The following HAPLN1 variants were observed in gnomAD, a reference collection of about 807,000 sequenced individuals.
The protein encoded by HAPLN1 is hyaluronan and proteoglycan link protein 1.
A neutral mutation model predicts 36.5 loss-of-function variants in HAPLN1; 13 were observed. The observed-to-expected ratio is 0.36, with a 90% confidence interval of 0.23 to 0.57. The LOEUF is 0.57. Ranked by LOEUF, HAPLN1 falls within the 20% of genes least tolerant of loss-of-function variation. The pLI, the probability that HAPLN1 is intolerant of heterozygous loss-of-function variation, is 0.83. For missense variants in HAPLN1, 407 were observed against 439.7 expected (o/e 0.93, Z 0.66); for synonymous variants, 202 against 169.8 (o/e 1.19, Z -1.48).
chr5:83,678,878 A>C (rs1213832706), intron 1 of HAPLN1, among the ~76,000 whole-genome samples: 2 of 152,226 alleles, frequency 1.3e-5, no homozygotes, highest in South Asian at 2.1e-4. Flanking sequence ...ACTGAACTAT[A>C]GTTCTCAGAT....
intron 2 of HAPLN1, among the ~76,000 whole-genome samples, chr5:83,656,291 G>A (rs1750209107): frequency 8.2e-6 from 1 of 121,248 alleles, no homozygotes; most frequent in South Asian, 2.7e-4. Context: ...TTGTGTCGCT[G>A]TACCCCAGCC....
At chr5:83,691,505 T>C (rs1751272688) in intron 1 of HAPLN1, among the ~76,000 whole-genome samples, 2 of 152,038 alleles carry the variant, frequency 1.3e-5, no homozygotes, top group South Asian at 4.1e-4. Flanking sequence ...GAATCTTTAC[T>C]CGCTAGTGGA....
At chr5:83,655,177 GAGGTTT>G (rs1286761700) in intron 2 of HAPLN1, among the ~76,000 whole-genome samples, 3 of 152,194 alleles carry the variant, frequency 2.0e-5, no homozygotes, top group Non-Finnish European at 4.4e-5. Flanking sequence ...GGAAATTTGG[GAGGTTT>G]AGTTTAATCA....
chr5:83,653,054 A>G (rs1415546104), intron 2 of HAPLN1, among the ~76,000 whole-genome samples: 1 of 152,194 alleles, frequency 6.6e-6, no homozygotes, highest in Admixed American at 6.5e-5. Flanking sequence ...CATTATCGTC[A>G]GTAAGAAATG....
At chr5:83,680,642 GA>G (rs544960965) in intron 1 of HAPLN1, among the ~76,000 whole-genome samples, 121 of 152,150 alleles carry the variant, frequency 8.0e-4, no homozygotes, top group African/African-American at 2.8e-3. Flanking sequence ...ACATTAAAAG[GA>G]AATAAACGTC....
chr5:83,679,964 C>A (rs1387564583), intron 1 of HAPLN1, among the ~76,000 whole-genome samples: 3 of 152,130 alleles, frequency 2.0e-5, no homozygotes, highest in African/African-American at 7.2e-5. Context: ...TAGGACTGTC[C>A]TCATCAGCAG....
At chr5:83,686,155 A>AAAG (rs1751118140) in intron 1 of HAPLN1, 2 of 151,394 alleles carry the variant, frequency 1.3e-5, no homozygotes, top group African/African-American at 4.8e-5. Flanking sequence ...AAAAAAAAAA[A>AAAG]AAAAAAAAAG....
At chr5:83,682,835 A>G (rs994364124) in intron 1 of HAPLN1, among the ~76,000 whole-genome samples, 3 of 152,152 alleles carry the variant, frequency 2.0e-5, no homozygotes, top group African/African-American at 7.2e-5. Context: ...ATAGGTTTTT[A>G]AATTATAATG....
At chr5:83,650,801 A>AT (rs556412025) in intron 3 of HAPLN1, among the ~76,000 whole-genome samples, 19 of 151,560 alleles carry the variant, frequency 1.3e-4, no homozygotes, top group Admixed American at 5.9e-4. Flanking sequence ...TGCCCGGCTA[A>AT]TTTTTTGTAT....
chr5:83,710,305 T>C (rs892277315), intron 1 of HAPLN1, among the ~76,000 whole-genome samples: 1 of 152,032 alleles, frequency 6.6e-6, no homozygotes, highest in African/African-American at 2.4e-5. Flanking sequence ...GAGACTGAGA[T>C]AGATTAACCA....
intron 2 of HAPLN1, among the ~76,000 whole-genome samples, chr5:83,671,871 AATGTGGACAGTGT>A (rs1359281462): frequency 2.0e-5 from 3 of 152,192 alleles, no homozygotes; most frequent in Admixed American, 6.5e-5. Flanking sequence ...CCTTTTTAAA[AATGTGGACAGTGT>A]ATGCAAATAA....
chr5:83,675,895 G>T (rs1397150010), intron 1 of HAPLN1, among the ~76,000 whole-genome samples: 1 of 152,152 alleles, frequency 6.6e-6, no homozygotes, highest in African/African-American at 2.4e-5. Flanking sequence ...CTAGTAAGTG[G>T]CAAAGTCTGT....
Position 83,638,720 on chromosome 5 carries a change from G to A in HAPLN1, c.*2776C>T, listed in dbSNP as rs1388260269. 2 of 151,976 alleles carry A rather than the reference G, an allele frequency of 1.3e-5. No individual in the cohort carries two copies. Among genetic ancestry groups the A allele is most frequent in the African/African-American group, 4.8e-5 (2 of 41,416 alleles). The allele number at this position is 151,976 out of a possible 1,614,324, so 9.4% of individuals were successfully genotyped here. On this transcript the variant is annotated 3_prime_UTR_variant, in exon 5 of 5. Coordinates refer to ENST00000274341, the MANE Select transcript of HAPLN1 (RefSeq NM_001884.4). ...ACCAGCCCCCTTTCCATGAGAGAAA[G>A]TTTAAATTTACAAACGCCATATTTG...
intron 1 of HAPLN1, among the ~76,000 whole-genome samples, chr5:83,716,890 G>A (rs1295973419): frequency 6.6e-6 from 1 of 152,048 alleles, no homozygotes; most frequent in East Asian, 1.9e-4. Flanking sequence ...AAATTAGCCG[G>A]GCATGGTGAC....
At chr5:83,664,180 C>A (rs969525353) in intron 2 of HAPLN1, among the ~76,000 whole-genome samples, 1 of 152,098 alleles carries the variant, frequency 6.6e-6, no homozygotes, top group Admixed American at 6.5e-5. Flanking sequence ...CTATTCTAAT[C>A]TCAGAGAATT....
intron 3 of HAPLN1, among the ~76,000 whole-genome samples, chr5:83,651,769 G>T (rs1750069112): frequency 6.6e-6 from 1 of 152,084 alleles, no homozygotes. Context: ...AGGAGAGGAG[G>T]GTCTCTAGAG....
At chr5:83,673,351 A>G (rs1750776130) in intron 2 of HAPLN1, 73 bp downstream of exon 2, 1 of 1,016,896 alleles carries the variant, frequency 9.8e-7, no homozygotes. Context: ...ATTAAGAAAC[A>G]CTAGCCCAGC....
chr5:83,682,299 T>C (rs973331977), intron 1 of HAPLN1: 1 of 152,150 alleles, frequency 6.6e-6, no homozygotes, highest in African/African-American at 2.4e-5. Flanking sequence ...AAGTAGTTAA[T>C]GAACAACAAG....
At chr5:83,683,178 T>A (rs1751046091) in intron 1 of HAPLN1, among the ~76,000 whole-genome samples, 2 of 152,292 alleles carry the variant, frequency 1.3e-5, no homozygotes, top group Non-Finnish European at 2.9e-5. Flanking sequence ...ATAAAAAGTC[T>A]CAGGTTTTAC....
Sources: allele counts gnomAD v4.1 joint callset (sites outside exome capture counted in the v4.1 genomes callset), GRCh38; gene constraint gnomAD v4.1.1; transcripts MANE v1.5; gene names NCBI Gene and HGNC (gene_info 2026-07-23, HGNC 2026-07-21).